Variants in CRISPLD1 observed in about 807,000 individuals in gnomAD.
The protein encoded by CRISPLD1 is cysteine-rich secretory protein LCCL domain-containing 1.
In CRISPLD1, 60 loss-of-function variants were observed where a neutral mutation model predicts 77.5. The ratio of observed to expected loss-of-function variants is 0.77; its 90% CI spans 0.63 to 0.96. The LOEUF is 0.96. Among genes scored for constraint, CRISPLD1 ranks in the 40% least tolerant of loss-of-function variants. The pLI is 0.00. For missense variants in CRISPLD1, 623 were observed against 615.8 expected (o/e 1.01, Z -0.12); for synonymous variants, 195 against 200.1 (o/e 0.97, Z 0.22).
At chr8:75,005,622 G>A (rs1465131794) in intron 2 of CRISPLD1, among the ~76,000 whole-genome samples, 1 of 152,090 alleles carries the variant, frequency 6.6e-6, no homozygotes, top group African/African-American at 2.4e-5. Flanking sequence ...ACTTCTGTCA[G>A]CCCTTGACTG....
At chr8:75,004,849 AT>A (rs1812802132) in intron 2 of CRISPLD1, among the ~76,000 whole-genome samples, 1 of 152,172 alleles carries the variant, frequency 6.6e-6, no homozygotes, top group South Asian at 2.1e-4. Flanking sequence ...AAAAAATTAT[AT>A]TTAGAAGTCT....
intron 12 of CRISPLD1, 145 bp downstream of exon 12, chr8:75,020,224 C>T: frequency 1.5e-5 from 10 of 657,256 alleles, no homozygotes; most frequent in Admixed American, 2.7e-5. Context: ...ACATGCACTC[C>T]AGGCAGGCCT....
At position 75,019,928 on chromosome 8, in the gene CRISPLD1, C is replaced by T. The variant is rs1357472213; in HGVS notation, c.1171+15C>T. 4 of 1,612,212 alleles carry T rather than the reference C, an allele frequency of 2.5e-6. No individual in the cohort carries two copies. The highest frequency in any genetic ancestry group is 2.2e-5 in the East Asian group (1 of 44,876). The stretch of plus-strand genomic sequence containing the variant: ...TAAAGTAACAGGTTAGCACATTCTT[C>T]ATCTTATTTTCTTAGTACTGTGTAG... On this transcript the variant is annotated intron_variant, in intron 11 of 14. Transcript: ENST00000262207.
intron 10 of CRISPLD1, among the ~76,000 whole-genome samples, chr8:75,018,332 CCCAGACTGGAGTGCAGTGGTGT>C (rs1813072518): frequency 1.4e-5 from 2 of 146,554 alleles, no homozygotes; most frequent in Non-Finnish European, 3.1e-5. Context: ...TGCAGTGTCA[CCCAGACTGGAGTGCAGTGGTGT>C]GATCTCAGGT....
At chr8:75,029,310 A>C (rs1406730145) in intron 13 of CRISPLD1, 77 bp from the exon 14 acceptor site, 5 of 1,445,168 alleles carry the variant, frequency 3.5e-6, no homozygotes, top group Non-Finnish European at 4.7e-6. Flanking sequence ...ACTTCAGTCT[A>C]TTAATAATAG....
chr8:75,019,598 A>C (rs928408733), intron 10 of CRISPLD1, among the ~76,000 whole-genome samples: 1 of 151,328 alleles, frequency 6.6e-6, no homozygotes, highest in East Asian at 1.9e-4. Context: ...TATATTTTTT[A>C]TATATATATA....
intron 13 of CRISPLD1, among the ~76,000 whole-genome samples, chr8:75,028,964 T>C (rs1587032426): frequency 6.6e-6 from 1 of 152,226 alleles, no homozygotes; most frequent in Admixed American, 6.5e-5. Flanking sequence ...TGAACATACA[T>C]GAGGGATGAA....
At chr8:75,025,864 A>G (rs1179925441) in intron 13 of CRISPLD1, among the ~76,000 whole-genome samples, 1 of 152,216 alleles carries the variant, frequency 6.6e-6, no homozygotes, top group Non-Finnish European at 1.5e-5. Flanking sequence ...TATAAGACAC[A>G]TAATGAAATA....
chr8:75,012,285 G>C (rs879938418), intron 2 of CRISPLD1, 148 bp from the exon 3 acceptor site: 32 of 620,504 alleles, frequency 5.2e-5, no homozygotes, highest in Non-Finnish European at 8.1e-5. Context: ...CAAAAACTTA[G>C]ATGACTTTTG....
At chr8:74,996,108 A>G (rs1308145173) in intron 2 of CRISPLD1, among the ~76,000 whole-genome samples, 1 of 151,166 alleles carries the variant, frequency 6.6e-6, no homozygotes, top group African/African-American at 2.4e-5. Flanking sequence ...ATGGATGTTT[A>G]TACATATATG....
chr8:75,029,592 C>A, intron 14 of CRISPLD1, 75 bp downstream of exon 14: 1 of 1,444,968 alleles, frequency 6.9e-7, no homozygotes, highest in Non-Finnish European at 9.5e-7. Context: ...TACAGTTGAC[C>A]CACTTGAATA....
chr8:74,995,249 A>G (rs1284969974), intron 2 of CRISPLD1, among the ~76,000 whole-genome samples: 1 of 152,222 alleles, frequency 6.6e-6, no homozygotes, highest in Non-Finnish European at 1.5e-5. Context: ...TGGAATTCAA[A>G]TGAAAAGCAG....
At chr8:75,015,636 G>C (rs1009260074) in intron 6 of CRISPLD1, among the ~76,000 whole-genome samples, 2 of 152,056 alleles carry the variant, frequency 1.3e-5, no homozygotes, top group African/African-American at 4.8e-5. Context: ...GGAAATATTT[G>C]AACAATTGCA....
chr8:75,026,925 T>C (rs1813245272), intron 13 of CRISPLD1: 1 of 152,186 alleles, frequency 6.6e-6, no homozygotes, highest in Admixed American at 6.5e-5. Context: ...TTTGTGCTTA[T>C]ATTCTTGCCT....
At chr8:75,023,654 A>G (rs1202715105) in intron 12 of CRISPLD1, among the ~76,000 whole-genome samples, 2 of 152,162 alleles carry the variant, frequency 1.3e-5, no homozygotes, top group African/African-American at 2.4e-5. Context: ...ACTGAAGTAT[A>G]TTTAGAATAC....
At chr8:75,000,426 C>A (rs2128782454) in intron 2 of CRISPLD1, 1 of 985,166 alleles carries the variant, frequency 1.0e-6, no homozygotes, top group Non-Finnish European at 1.2e-6. Flanking sequence ...ACAACCTGAA[C>A]AAATACAAAG....
chr8:74,994,253 G>A (rs1812615548), intron 2 of CRISPLD1, among the ~76,000 whole-genome samples: 1 of 152,154 alleles, frequency 6.6e-6, no homozygotes, highest in South Asian at 2.1e-4. Context: ...GAAAGAGTAT[G>A]AATATAAATC....
chr8:75,029,410 A>G lies in CRISPLD1; in HGVS notation c.1344A>G (p.Ala448=), dbSNP rs1463289924. Residue 448 remains alanine (A), a synonymous_variant, in exon 14 of 15, where the codon GCA becomes GCG. Transcript: ENST00000262207. ...YSDLSSICRA[A]VHAGVVRNHG... is the part of the protein sequence containing the mutation. ...AGCTGTCCAGTATCTGCAGAGCAGC[A>G]GTACATGCTGGAGTGGTTCGAAATC... is the stretch of plus-strand genomic sequence containing the variant. The G allele has an allele frequency of 6.2e-7, 1 of 1,613,454 alleles. No individual in the cohort carries two copies. The highest frequency in any genetic ancestry group is 2.2e-5 in the East Asian group (1 of 44,862).
At chr8:74,999,300 C>G (rs1000075450) in intron 2 of CRISPLD1, among the ~76,000 whole-genome samples, 1 of 152,172 alleles carries the variant, frequency 6.6e-6, no homozygotes, top group African/African-American at 2.4e-5. Flanking sequence ...AGGACACAGT[C>G]TATTTAGTAA....
Sources: allele counts gnomAD v4.1 joint callset (sites outside exome capture counted in the v4.1 genomes callset), GRCh38; gene constraint gnomAD v4.1.1; transcripts MANE v1.5; gene names NCBI Gene and HGNC (gene_info 2026-07-23, HGNC 2026-07-21).